GALNT13: variants seen among roughly 807,000 people sequenced by gnomAD.
The protein encoded by GALNT13 is polypeptide N-acetylgalactosaminyltransferase 13.
GALNT13 carries 28 observed loss-of-function variants against 64.2 expected under a neutral mutation model. That is an observed-to-expected ratio of 0.44 (90% confidence interval 0.32 to 0.60). The LOEUF (loss-of-function observed/expected upper bound fraction) is 0.60. Among genes scored for constraint, GALNT13 ranks in the 20% least tolerant of loss-of-function variants. The pLI is 0.05. For missense variants in GALNT13, 577 were observed against 669.8 expected (o/e 0.86, Z 1.53); for synonymous variants, 214 against 224.6 (o/e 0.95, Z 0.42).
At chr2:153,673,388 G>A in the GALNT13 span, among the ~76,000 whole-genome samples, 3 of 152,198 alleles carry the variant, frequency 2.0e-5, no homozygotes, top group Non-Finnish European at 4.4e-5. Context: ...TCCCTGGGAT[G>A]CAAGGCTAGT....
At chr2:154,123,948 A>G (rs982291917) in intron 3 of GALNT13, among the ~76,000 whole-genome samples, 3 of 152,094 alleles carry the variant, frequency 2.0e-5, no homozygotes, top group Non-Finnish European at 4.4e-5. Context: ...CAGTGTTTAC[A>G]TGGGTATATA....
chr2:154,298,720 T>TTTATATATAAATTGTA (rs1362353594), intron 8 of GALNT13, among the ~76,000 whole-genome samples: 1 of 88,070 alleles, frequency 1.1e-5, no homozygotes, highest in African/African-American at 4.2e-5. Flanking sequence ...TATATATAAA[T>TTTATATATAAATTGTA]TATATTATTT....
chr2:153,439,616 G>A, the GALNT13 span, among the ~76,000 whole-genome samples: 1 of 152,200 alleles, frequency 6.6e-6, no homozygotes, highest in Non-Finnish European at 1.5e-5. Context: ...GACAATCTCA[G>A]CCATGTGTGG....
At chr2:153,599,170 C>A in the GALNT13 span, among the ~76,000 whole-genome samples, 1 of 151,986 alleles carries the variant, frequency 6.6e-6, no homozygotes, top group Admixed American at 6.6e-5. Flanking sequence ...TGTAAAGCTT[C>A]AAAATTTTTT....
chr2:153,888,720 A>C (rs1363278885), intron 1 of GALNT13, among the ~76,000 whole-genome samples: 4 of 151,996 alleles, frequency 2.6e-5, no homozygotes, highest in Non-Finnish European at 4.4e-5. Context: ...AATTCTGGGG[A>C]CCATGCATGA....
At chr2:153,352,636 G>A in the GALNT13 span, among the ~76,000 whole-genome samples, 1 of 152,018 alleles carries the variant, frequency 6.6e-6, no homozygotes, top group South Asian at 2.1e-4. Context: ...TTTTGTAAAG[G>A]TTATAAGGTC....
chr2:153,417,273 A>C, the GALNT13 span, among the ~76,000 whole-genome samples: 1 of 152,190 alleles, frequency 6.6e-6, no homozygotes, highest in Non-Finnish European at 1.5e-5. Flanking sequence ...TAGAGGTACC[A>C]AATGAAATTA....
chr2:154,025,316 C>T (rs886484459), intron 3 of GALNT13, among the ~76,000 whole-genome samples: 1 of 152,128 alleles, frequency 6.6e-6, no homozygotes, highest in Non-Finnish European at 1.5e-5. Context: ...GCTCCTCCCC[C>T]CATGTTTAAA....
the GALNT13 span, among the ~76,000 whole-genome samples, chr2:153,333,143 C>G: frequency 6.6e-6 from 1 of 152,178 alleles, no homozygotes; most frequent in Admixed American, 6.5e-5. Flanking sequence ...ACAGAATGGC[C>G]GACTGTATGC....
chr2:153,784,288 G>C, the GALNT13 span, among the ~76,000 whole-genome samples: 1 of 152,184 alleles, frequency 6.6e-6, no homozygotes, highest in African/African-American at 2.4e-5. Context: ...ATGGAATAAA[G>C]GTAGCTCTTG....
chr2:153,240,402 T>C, the GALNT13 span, among the ~76,000 whole-genome samples: 3 of 152,136 alleles, frequency 2.0e-5, no homozygotes, highest in Non-Finnish European at 4.4e-5. Context: ...GGTGAACCCA[T>C]AGGGTGGTTA....
chr2:154,239,894 C>T (rs1216498555), intron 4 of GALNT13, among the ~76,000 whole-genome samples: 1 of 151,960 alleles, frequency 6.6e-6, no homozygotes, highest in East Asian at 1.9e-4. Flanking sequence ...TGTTATATGC[C>T]TTCATCTTCC....
the GALNT13 span, among the ~76,000 whole-genome samples, chr2:153,289,093 T>C: frequency 2.0e-4 from 30 of 152,352 alleles, no homozygotes; most frequent in African/African-American, 7.2e-4. Flanking sequence ...ACCATAAGTG[T>C]ATGTTCATTT....
chr2:154,130,810 G>A (rs1360994960), intron 3 of GALNT13, among the ~76,000 whole-genome samples: 2 of 152,164 alleles, frequency 1.3e-5, no homozygotes, highest in Non-Finnish European at 2.9e-5. Flanking sequence ...GCTGCTCAAA[G>A]CTTACTATTT....
intron 4 of GALNT13, among the ~76,000 whole-genome samples, chr2:154,191,951 G>A (rs970108383): frequency 6.6e-6 from 1 of 152,214 alleles, no homozygotes; most frequent in African/African-American, 2.4e-5. Flanking sequence ...TGGTGTACCA[G>A]AAGAATCGGA....
the GALNT13 span, among the ~76,000 whole-genome samples, chr2:153,752,315 T>C: frequency 5.4e-4 from 82 of 152,200 alleles, no homozygotes; most frequent in African/African-American, 1.8e-3. Context: ...GTGTGTGTAC[T>C]TGCTATTACC....
chr2:153,834,572 G>A, the GALNT13 span, among the ~76,000 whole-genome samples: 1 of 152,032 alleles, frequency 6.6e-6, no homozygotes, highest in East Asian at 1.9e-4. Context: ...GGATATTTTG[G>A]TAAAAGTTAC....
At chr2:153,875,799 G>A (rs183843244) in intron 1 of GALNT13, among the ~76,000 whole-genome samples, 1 of 152,228 alleles carries the variant, frequency 6.6e-6, no homozygotes, top group Non-Finnish European at 1.5e-5. Flanking sequence ...ATCTCTGTTA[G>A]GTGTTCATTG....
the GALNT13 span, among the ~76,000 whole-genome samples, chr2:153,143,207 G>A: frequency 6.1e-4 from 93 of 151,972 alleles, 1 homozygote; most frequent in South Asian, 0.01. Context: ...ACTCATTAAC[G>A]ATATGTCAAG....
Sources: allele counts gnomAD v4.1 joint callset (sites outside exome capture counted in the v4.1 genomes callset), GRCh38; gene constraint gnomAD v4.1.1; transcripts MANE v1.5; gene names NCBI Gene and HGNC (gene_info 2026-07-23, HGNC 2026-07-21).